RHOJ: variants seen among roughly 807,000 people sequenced by gnomAD.
RHOJ encodes rho-related GTP-binding protein RhoJ.
A neutral mutation model predicts 23.4 loss-of-function variants in RHOJ; 11 were observed. That is an observed-to-expected ratio of 0.47 (90% CI 0.30 to 0.78). The LOEUF is 0.78. Ranked by LOEUF, RHOJ falls within the 30% of genes least tolerant of loss-of-function variation. The pLI is 0.08. For missense variants in RHOJ, 254 were observed against 273.4 expected (o/e 0.93, Z 0.50); for synonymous variants, 102 against 102.7 (o/e 0.99, Z 0.04).
At chr14:63,208,332 C>T (rs1894159058) in intron 1 of RHOJ, among the ~76,000 whole-genome samples, 1 of 152,180 alleles carries the variant, frequency 6.6e-6, no homozygotes. Flanking sequence ...AGAATAATTC[C>T]CTGTTCCATC....
chr14:63,285,416 C>T (rs1157374373), intron 4 of RHOJ, among the ~76,000 whole-genome samples: 4 of 152,180 alleles, frequency 2.6e-5, no homozygotes, highest in African/African-American at 9.7e-5. Context: ...AAAGTTCCCC[C>T]CCAACTTAAA....
chr14:63,253,100 C>T (rs1422943684), intron 1 of RHOJ, among the ~76,000 whole-genome samples: 1 of 152,186 alleles, frequency 6.6e-6, no homozygotes, highest in Non-Finnish European at 1.5e-5. Context: ...TTCTTATAAA[C>T]TCTTAAAGAT....
intron 2 of RHOJ, among the ~76,000 whole-genome samples, chr14:63,273,656 A>G (rs1895511754): frequency 1.3e-5 from 2 of 152,202 alleles, no homozygotes; most frequent in African/African-American, 4.8e-5. Flanking sequence ...CCATAGTACT[A>G]AGACAAGGTC....
chr14:63,265,137 T>A (rs931142851), intron 1 of RHOJ, among the ~76,000 whole-genome samples: 9 of 152,236 alleles, frequency 5.9e-5, no homozygotes, highest in Admixed American at 5.2e-4. Flanking sequence ...CTAGGTTTTA[T>A]TCTAGAATTC....
chr14:63,257,058 C>T (rs1176008458), intron 1 of RHOJ, among the ~76,000 whole-genome samples: 4 of 129,100 alleles, frequency 3.1e-5, no homozygotes, highest in South Asian at 2.3e-4. Flanking sequence ...GGTGATAGAG[C>T]GTGACTCTGT....
In RHOJ at chr14:63,293,308, C is replaced by A. The variant is rs1882309450; in HGVS notation, c.*2284C>A. ...ATGAAAAAATGAGAGCAGTATGTTT[C>A]CAGGTGTGTGCACTCAACAGGCAAA... On this transcript the variant is annotated 3_prime_UTR_variant, in exon 5 of 5. Transcript: ENST00000316754. 1 of 152,140 alleles carries A rather than the reference C, an allele frequency of 6.6e-6. No homozygotes were observed. The allele number at this position is 152,140 out of a possible 1,614,324, so 9.4% of individuals were successfully genotyped here.
chr14:63,218,104 T>G (rs1894405818), intron 1 of RHOJ, among the ~76,000 whole-genome samples: 1 of 152,214 alleles, frequency 6.6e-6, no homozygotes, highest in Non-Finnish European at 1.5e-5. Flanking sequence ...TCCATTCAAT[T>G]ATCCCAGGTT....
intron 2 of RHOJ, among the ~76,000 whole-genome samples, chr14:63,273,578 C>A (rs536376691): frequency 6.6e-6 from 1 of 152,326 alleles, no homozygotes; most frequent in African/African-American, 2.4e-5. Context: ...GGAGAGGGCT[C>A]TTTCCCAGGT....
At chr14:63,212,729 T>C (rs1376360227) in intron 1 of RHOJ, among the ~76,000 whole-genome samples, 2 of 152,184 alleles carry the variant, frequency 1.3e-5, no homozygotes, top group Admixed American at 6.5e-5. Flanking sequence ...TTTGAACCCA[T>C]GAAAATCTGT....
chr14:63,283,931 T>C (rs754456746), intron 4 of RHOJ, among the ~76,000 whole-genome samples: 17 of 152,270 alleles, frequency 1.1e-4, no homozygotes, highest in Middle Eastern at 3.4e-3. Context: ...AAGCAGCCAC[T>C]GAAAAATATT....
intron 1 of RHOJ, among the ~76,000 whole-genome samples, chr14:63,259,519 A>C (rs1566622189): frequency 6.6e-6 from 1 of 152,228 alleles, no homozygotes; most frequent in Non-Finnish European, 1.5e-5. Context: ...AGGTGCTTTG[A>C]AGGAAAACAA....
At chr14:63,265,295 T>C (rs912832422) in intron 1 of RHOJ, among the ~76,000 whole-genome samples, 1 of 152,224 alleles carries the variant, frequency 6.6e-6, no homozygotes, top group African/African-American at 2.4e-5. Context: ...TCTCTATCTC[T>C]TATTTTTGTA....
intron 1 of RHOJ, among the ~76,000 whole-genome samples, chr14:63,262,933 T>C (rs1895298532): frequency 6.6e-6 from 1 of 152,140 alleles, no homozygotes; most frequent in Non-Finnish European, 1.5e-5. Context: ...CATGTGCCAG[T>C]TAATGTGCAC....
intron 1 of RHOJ, among the ~76,000 whole-genome samples, chr14:63,219,390 T>G (rs1225294402): frequency 6.7e-6 from 1 of 149,808 alleles, no homozygotes; most frequent in Non-Finnish European, 1.5e-5. Context: ...TTTAATGCAC[T>G]TTTTTTTTTC....
At chr14:63,242,583 CA>C (rs1213212530) in intron 1 of RHOJ, among the ~76,000 whole-genome samples, 2 of 152,166 alleles carry the variant, frequency 1.3e-5, no homozygotes, top group African/African-American at 4.8e-5. Flanking sequence ...AAAAGGGGGC[CA>C]GGGGGTTTTG....
At chr14:63,274,591 G>A (rs1466073672) in intron 2 of RHOJ, among the ~76,000 whole-genome samples, 2 of 152,172 alleles carry the variant, frequency 1.3e-5, no homozygotes, top group African/African-American at 2.4e-5. Context: ...ATATGGGCTG[G>A]AGGACGGACT....
At position 63,281,072 on chromosome 14, in the gene RHOJ, G is replaced by A. The variant is rs770633553; in HGVS notation, c.339G>A (p.Glu113=). The A allele has an allele frequency of 3.7e-6, 6 of 1,614,016 alleles. No homozygotes were observed. The African/African-American group carries it at 5.3e-5, about 14-fold the overall frequency. The part of the protein sequence containing the change: ...VNPASYHNVQ[E]EWVPELKDCM... ...CTGCCTCTTACCACAATGTCCAGGAGGAATGGGTCCCCGAGCTCAAGGACT... is the reference window on the plus strand; with the variant it reads ...CTGCCTCTTACCACAATGTCCAGGAAGAATGGGTCCCCGAGCTCAAGGACT... Residue 113 remains glutamate (E), a synonymous_variant, in exon 3 of 5, where the codon GAG becomes GAA. Transcript: ENST00000316754.
chr14:63,285,546 C>T lies in RHOJ; in HGVS notation c.498+2330C>T, dbSNP rs563051731. 7.9e-5 allele frequency among the ~76,000 whole-genome samples: 12 copies of T among 152,264 alleles called. No individual in the cohort carries two copies. The South Asian group carries it at 2.3e-3, about 29-fold the overall frequency. The stretch of plus-strand genomic sequence containing the variant: ...CAAAGGGTGTTTTATTTTCAAAGGA[C>T]ATTTTTATATCATACACATTTACAA... On this transcript the variant is annotated intron_variant, in intron 4 of 4. Transcript: ENST00000316754.
chr14:63,279,943 A>G (rs1348402851), intron 2 of RHOJ, among the ~76,000 whole-genome samples: 1 of 152,220 alleles, frequency 6.6e-6, no homozygotes, highest in East Asian at 1.9e-4. Context: ...TCAATATAAC[A>G]CAATTCCAAC....
Sources: allele counts gnomAD v4.1 joint callset (sites outside exome capture counted in the v4.1 genomes callset), GRCh38; gene constraint gnomAD v4.1.1; transcripts MANE v1.5; gene names NCBI Gene and HGNC (gene_info 2026-07-23, HGNC 2026-07-21).